The following PTK7 variants were observed in gnomAD, a reference collection of about 807,000 sequenced individuals.
PTK7 encodes the protein inactive tyrosine-protein kinase 7.
A neutral mutation model predicts 116.6 loss-of-function variants in PTK7; 39 were observed. The observed-to-expected ratio is 0.33, with a 90% confidence interval of 0.26 to 0.44. The LOEUF is 0.44. PTK7 is among the 20% of genes least tolerant of loss of function. The pLI is 1.00. For synonymous variants in PTK7, 546 were observed against 563.6 expected (o/e 0.97, Z 0.44); for missense variants, 1,169 against 1,425.6 (o/e 0.82, Z 2.90).
chr6:43,157,383 T>TC (rs1771566241), intron 17 of PTK7, among the ~76,000 whole-genome samples: 2 of 109,346 alleles, frequency 1.8e-5, no homozygotes, highest in African/African-American at 6.8e-5. Context: ...TTTCTTTTTT[T>TC]TTTTTTTTTT....
rs570220206 is a variant in PTK7, at chr6:43,141,431, C to G, written c.1619-237C>G. On this transcript the variant is annotated intron_variant, in intron 10 of 19. Coordinates refer to ENST00000230419, the MANE Select transcript of PTK7 (RefSeq NM_002821.5). This position sits in a 1 kb window ranked among gnomAD's most constrained non-coding sequence, Gnocchi z 4.9. ...GGCCGATCTGGGCCCAAACAGAGTC[C>G]GGTTTGGCAGACGTGGAATGTCACA... 6.6e-6 allele frequency among the ~76,000 whole-genome samples: 1 copy of G among 152,026 alleles called. No individual in the cohort carries two copies. The highest frequency in any genetic ancestry group is 1.5e-5 in the Non-Finnish European group (1 of 68,014).
chr6:43,121,082 T>C (rs1187690406), intron 1 of PTK7, among the ~76,000 whole-genome samples: 2 of 147,950 alleles, frequency 1.4e-5, no homozygotes, highest in African/African-American at 5.1e-5. Context: ...TTTTTGACTA[T>C]GTTGCTCAGG....
At chr6:43,127,524 C>G (rs1001089410) in intron 1 of PTK7, among the ~76,000 whole-genome samples, 3 of 152,214 alleles carry the variant, frequency 2.0e-5, no homozygotes, top group African/African-American at 4.8e-5. Flanking sequence ...CAGAGCTGAA[C>G]TATAATGGTG....
At chr6:43,152,022 T>C (rs1187583220) in intron 17 of PTK7, among the ~76,000 whole-genome samples, 1 of 151,334 alleles carries the variant, frequency 6.6e-6, no homozygotes, top group African/African-American at 2.4e-5. Flanking sequence ...TTTTTTGTAT[T>C]TTTTTTAGTA....
intron 17 of PTK7, among the ~76,000 whole-genome samples, chr6:43,154,520 C>G (rs1453185176): frequency 6.6e-6 from 1 of 152,164 alleles, no homozygotes; most frequent in Non-Finnish European, 1.5e-5. Flanking sequence ...GAATGATGCT[C>G]TTACTAAGTG....
rs1291356333 is a variant in PTK7 at position 43,143,457 on chromosome 6, TC to T, written c.2094del (p.Tyr699ThrfsTer3). ...AGGAGTCGGAGGGCCCTGGCAGCCC[TC>T]CCCCCTACAAGATGATCCAGACCAT... is the stretch of plus-strand genomic sequence containing the variant. Reference protein sequence around the residue: ...PEESEGPGSPPPYKMIQTIGL... With the variant: ...PEESEGPGSPXPYKMIQTIGL... On this transcript the variant is annotated frameshift_variant, in exon 14 of 20. Coordinates refer to ENST00000230419, the MANE Select transcript of PTK7 (RefSeq NM_002821.5). LOFTEE classifies it high-confidence loss of function. This position sits in a 1 kb window ranked among gnomAD's most constrained non-coding sequence, Gnocchi z 4.2. The T allele has an allele frequency of 6.2e-7, 1 of 1,613,406 alleles. No homozygotes were observed.
intron 17 of PTK7, among the ~76,000 whole-genome samples, chr6:43,151,538 T>G (rs1416621795): frequency 7.6e-5 from 11 of 145,482 alleles, no homozygotes; most frequent in Admixed American, 6.2e-4. Flanking sequence ...TTTTTTGTTT[T>G]TTTTTTTTTT....
intron 1 of PTK7, among the ~76,000 whole-genome samples, chr6:43,105,925 G>A (rs919693702): frequency 6.6e-6 from 1 of 152,174 alleles, no homozygotes; most frequent in Non-Finnish European, 1.5e-5. Flanking sequence ...GTGGTAATTT[G>A]TTATGGCAGC....
At position 43,076,369 on chromosome 6, in the gene PTK7, C is replaced by T. The variant is rs1765999530; in HGVS notation, c.-120C>T. On this transcript the variant is annotated 5_prime_UTR_variant, in exon 1 of 20. Transcript: ENST00000230419. The surrounding 1 kb of genome is among the most constrained non-coding windows in gnomAD (Gnocchi z 5.7). ...CCTCGGGACGCCTCGGGGTCGGGCT[C>T]CGGCTGCGGCTGCTGCTGCGGCGCC... The T allele has an allele frequency of 2.9e-6, 2 of 687,374 alleles. No individual in the cohort carries two copies. The highest frequency in any genetic ancestry group is 4.0e-6 in the Non-Finnish European group (2 of 501,054). 42.6% of individuals were successfully genotyped at this position (687,374 alleles called of 1,614,324 possible).
Position 43,104,961 on chromosome 6 carries a change from C to T in PTK7, c.80-24016C>T, listed in dbSNP as rs143764293. Among the ~76,000 whole-genome samples, 397 of 151,870 alleles carry T rather than the reference C, an allele frequency of 2.6e-3. 1 individual carries two copies. Among genetic ancestry groups the T allele is most frequent in the Non-Finnish European group, 4.9e-3 (331 of 67,942 alleles). ...TTGAGTAGCTGGGATTACAGGTGCCCGCCACCATGCTCAGCTAATTTTTGT... is the reference window on the plus strand; with the variant it reads ...TTGAGTAGCTGGGATTACAGGTGCCTGCCACCATGCTCAGCTAATTTTTGT... On this transcript the variant is annotated intron_variant, in intron 1 of 19. Transcript: ENST00000230419.
In PTK7 at chr6:43,129,149, C is replaced by A. The variant is rs762320273; in HGVS notation, c.252C>A (p.Ser84Arg). 1.2e-6 allele frequency: 2 copies of A among 1,614,208 alleles called. No homozygotes were observed. Among genetic ancestry groups the A allele is most frequent in the Non-Finnish European group, 1.7e-6 (2 of 1,180,046 alleles). ...AGCGGCGTTTCGCCCAGGGCAGCAG[C>A]CTGAGCTTTGCAGCTGTGGACCGGC... ...DTERRFAQGS[S>R]LSFAAVDRLQ... Residue 84 changes from serine (S) to arginine (R), a missense_variant, in exon 2 of 20, where the codon AGC (serine) becomes AGA (arginine). Ser to Arg is a moderately radical substitution (Grantham distance 110). This residue lies in a region of PTK7 where 487 missense variants were observed against 549.8 expected (regional missense o/e 0.89). Coordinates refer to ENST00000230419, the MANE Select transcript of PTK7 (RefSeq NM_002821.5). The surrounding 1 kb of genome is among the most constrained non-coding windows in gnomAD (Gnocchi z 4.5).
At chr6:43,144,961 G>A in intron 15 of PTK7, 1 of 430,112 alleles carries the variant, frequency 2.3e-6, no homozygotes, top group Non-Finnish European at 4.1e-6. Flanking sequence ...TTTACCATGA[G>A]CCACCAAAAA....
chr6:43,108,139 G>A (rs1767997400), intron 1 of PTK7, among the ~76,000 whole-genome samples: 1 of 148,016 alleles, frequency 6.8e-6, no homozygotes, highest in Admixed American at 6.8e-5. Flanking sequence ...TTGTTGCCCA[G>A]GCTGGAGTGC....
Position 43,143,801 on chromosome 6 carries a change from A to G in PTK7, c.2251+181A>G, listed in dbSNP as rs1487616227. Among the ~76,000 whole-genome samples, 1 of 152,188 alleles carries G rather than the reference A, an allele frequency of 6.6e-6. No homozygotes were observed. Among genetic ancestry groups the G allele is most frequent in the African/African-American group, 2.4e-5 (1 of 41,444 alleles). ...TGGATTCCCAGGGCCTCGTCTTCTG[A>G]GCAACCTGGCTTGAGACTTCTTCAT... On this transcript the variant is annotated intron_variant, in intron 14 of 19. Coordinates refer to ENST00000230419, the MANE Select transcript of PTK7 (RefSeq NM_002821.5). The surrounding 1 kb of genome is among the most constrained non-coding windows in gnomAD (Gnocchi z 4.2).
At chr6:43,118,546 A>G (rs765374747) in intron 1 of PTK7, among the ~76,000 whole-genome samples, 1 of 149,686 alleles carries the variant, frequency 6.7e-6, no homozygotes, top group Non-Finnish European at 1.5e-5. Context: ...GAAATAAATA[A>G]ATAAATAAAT....
intron 7 of PTK7, chr6:43,132,978 C>G: frequency 1.8e-6 from 1 of 545,284 alleles, no homozygotes; most frequent in East Asian, 2.8e-5. Flanking sequence ...CACTATGCTC[C>G]CAATGCACAG....
At chr6:43,094,894 A>G (rs1232651010) in intron 1 of PTK7, among the ~76,000 whole-genome samples, 1 of 151,382 alleles carries the variant, frequency 6.6e-6, no homozygotes, top group Non-Finnish European at 1.5e-5. Context: ...AAAATACAAA[A>G]ATTAGCCAGG....
chr6:43,120,831 G>A (rs887795791), intron 1 of PTK7, among the ~76,000 whole-genome samples: 3 of 152,094 alleles, frequency 2.0e-5, no homozygotes, highest in Non-Finnish European at 4.4e-5. Flanking sequence ...CAGAACCCAG[G>A]TTTCCCTAAC....
chr6:43,085,970 C>G (rs1272129993), intron 1 of PTK7, among the ~76,000 whole-genome samples: 2 of 150,546 alleles, frequency 1.3e-5, no homozygotes, highest in African/African-American at 2.4e-5. Context: ...CTTCCTCATT[C>G]AAAAGCACAA....
Sources: allele counts gnomAD v4.1 joint callset (sites outside exome capture counted in the v4.1 genomes callset), GRCh38; gene constraint gnomAD v4.1.1; regional missense constraint gnomAD v4.1.1; non-coding constraint Gnocchi (gnomAD v3.1); transcripts MANE v1.5; gene names NCBI Gene and HGNC (gene_info 2026-07-23, HGNC 2026-07-21).